The following MITF variants were observed in gnomAD, a reference collection of about 807,000 sequenced individuals.
MITF encodes the protein melanocyte inducing transcription factor, also known as microphthalmia-associated transcription factor.
A neutral mutation model predicts 60.5 loss-of-function variants in MITF; 17 were observed. The observed-to-expected ratio is 0.28, with a 90% CI of 0.19 to 0.42. MITF has a LOEUF of 0.42. MITF is among the 10% of genes least tolerant of loss of function. The pLI, the probability that MITF is intolerant of heterozygous loss-of-function variation, is 1.00. For missense variants in MITF, 622 were observed against 683.5 expected, an observed-to-expected ratio of 0.91 and a Z score of 1.00; for synonymous variants, 260 against 248.5, an observed-to-expected ratio of 1.05 and a Z score of -0.43.
chr3:69,861,667 A>G lies in MITF; in HGVS notation c.105-17467A>G, dbSNP rs75720739. ...GGTTTCTCTGGAGTGAACGCCTGGA[A>G]AGCAGAGCCTCTTGCATCTTCATCC... On this transcript the variant is annotated intron_variant, in intron 1 of 9. Coordinates refer to ENST00000352241, the MANE Select transcript of MITF (RefSeq NM_001354604.2). Among the ~76,000 whole-genome samples, 1,375 of 152,232 alleles carry G rather than the reference A, an allele frequency of 9.0e-3. 11 individuals carry two copies. Among genetic ancestry groups the G allele is most frequent in the Non-Finnish European group, 0.015 (1,041 of 68,014 alleles).
intron 2 of MITF, among the ~76,000 whole-genome samples, chr3:69,895,843 TGTGTG>T (rs1241010844): frequency 4.6e-5 from 7 of 151,052 alleles, no homozygotes; most frequent in Non-Finnish European, 8.9e-5. Context: ...TGTGTGTGTG[TGTGTG>T]TATGTGTGTG....
At chr3:69,833,595 G>A (rs1050639904) in intron 1 of MITF, among the ~76,000 whole-genome samples, 4 of 145,330 alleles carry the variant, frequency 2.8e-5, no homozygotes, top group Non-Finnish European at 6.0e-5. Context: ...CACTGTATGT[G>A]GTTGTTTTTC....
intron 2 of MITF, among the ~76,000 whole-genome samples, chr3:69,936,209 G>A (rs184737861): frequency 4.6e-5 from 7 of 152,278 alleles, no homozygotes; most frequent in Admixed American, 4.6e-4. Flanking sequence ...CCTGCAGTCG[G>A]AAGTGGCAGT....
chr3:69,876,964 T>C (rs1168656264), intron 1 of MITF, among the ~76,000 whole-genome samples: 1 of 152,212 alleles, frequency 6.6e-6, no homozygotes, highest in Non-Finnish European at 1.5e-5. Flanking sequence ...AATTTACCTG[T>C]AGTTCTATTC....
intron 1 of MITF, among the ~76,000 whole-genome samples, chr3:69,795,897 T>C (rs1192347652): frequency 6.6e-6 from 1 of 152,238 alleles, no homozygotes; most frequent in Non-Finnish European, 1.5e-5. Flanking sequence ...TGTTCATATG[T>C]ATACCACAAC....
intron 6 of MITF, among the ~76,000 whole-genome samples, chr3:69,949,867 C>G (rs966895120): frequency 1.3e-5 from 2 of 152,138 alleles, no homozygotes; most frequent in African/African-American, 4.8e-5. Context: ...TACCACACCC[C>G]TCTTTTTATT....
chr3:69,868,145 A>G (rs780633045), intron 1 of MITF, among the ~76,000 whole-genome samples: 10 of 152,224 alleles, frequency 6.6e-5, no homozygotes, highest in Non-Finnish European at 1.2e-4. Context: ...AACACAGACT[A>G]GAAGAATTCA....
intron 1 of MITF, chr3:69,769,448 G>A (rs892777093): frequency 4.7e-5 from 7 of 147,812 alleles, no homozygotes; most frequent in African/African-American, 1.8e-4. Context: ...GCTTCACAAA[G>A]TGTAGTCGTT....
At chr3:69,883,838 G>A (rs1024010116) in intron 2 of MITF, among the ~76,000 whole-genome samples, 3 of 152,124 alleles carry the variant, frequency 2.0e-5, no homozygotes, top group Admixed American at 6.5e-5. Context: ...TTCACACATG[G>A]ACCAGCATAT....
chr3:69,885,131 TG>T (rs1307763443), intron 2 of MITF, among the ~76,000 whole-genome samples: 1 of 152,014 alleles, frequency 6.6e-6, no homozygotes, highest in East Asian at 1.9e-4. Flanking sequence ...CTGATGTACC[TG>T]GTGGACACTT....
chr3:69,968,247 C>T lies in MITF; in HGVS notation c.*2999C>T, dbSNP rs1259950085. The T allele has an allele frequency of 8.6e-6, 2 of 231,906 alleles. No homozygotes were observed. The highest frequency in any genetic ancestry group is 8.5e-6 in the Non-Finnish European group (1 of 117,086). 14.4% of individuals were successfully genotyped at this position (231,906 alleles called of 1,614,324 possible). ...GCAATAATTTCTGTATGGTCCATAG[C>T]ACTGTATATTATGGATCGATATTAA... is the stretch of plus-strand genomic sequence containing the variant. On this transcript the variant is annotated 3_prime_UTR_variant, in exon 10 of 10. Coordinates refer to ENST00000352241, the MANE Select transcript of MITF (RefSeq NM_001354604.2).
intron 1 of MITF, among the ~76,000 whole-genome samples, chr3:69,875,157 C>A (rs2064324820): frequency 1.3e-5 from 2 of 152,326 alleles, no homozygotes; most frequent in South Asian, 4.2e-4. Flanking sequence ...AGTGACTGAG[C>A]TAGCCCTTGA....
intron 1 of MITF, among the ~76,000 whole-genome samples, chr3:69,813,633 A>T (rs1331435750): frequency 1.3e-5 from 2 of 152,154 alleles, no homozygotes; most frequent in African/African-American, 4.8e-5. Context: ...TATATTTGAG[A>T]TTTCTTTAAA....
chr3:69,747,525 G>GTAAT (rs1703775015), intron 1 of MITF, among the ~76,000 whole-genome samples: 1 of 152,220 alleles, frequency 6.6e-6, no homozygotes, highest in Non-Finnish European at 1.5e-5. Flanking sequence ...AAGATAAAAG[G>GTAAT]TAATGTATGT....
At chr3:69,888,490 A>G (rs1287464493) in intron 2 of MITF, among the ~76,000 whole-genome samples, 1 of 149,006 alleles carries the variant, frequency 6.7e-6, no homozygotes, top group Non-Finnish European at 1.5e-5. Context: ...AATTAGCCAC[A>G]TGTTCTTTTT....
rs955927255 is a variant in MITF at position 69,825,903 on chromosome 3, A to C, written c.105-53231A>C. Among the ~76,000 whole-genome samples the C allele has an allele frequency of 2.6e-5, 4 of 152,180 alleles. No individual in the cohort carries two copies. The South Asian group carries it at 8.3e-4, about 31-fold the overall frequency. On this transcript the variant is annotated intron_variant, in intron 1 of 9. Coordinates refer to ENST00000352241, the MANE Select transcript of MITF (RefSeq NM_001354604.2). ...TTTACTTTTTAATCTCTAATGATTT[A>C]TTTCTTTATATTTATATATTAAGAT... is the stretch of plus-strand genomic sequence containing the variant.
chr3:69,834,620 T>A (rs2107113980), intron 1 of MITF, among the ~76,000 whole-genome samples: 1 of 152,300 alleles, frequency 6.6e-6, no homozygotes, highest in East Asian at 1.9e-4. Context: ...TTGTAAATAG[T>A]GCTGCAATAA....
At chr3:69,875,144 G>A (rs145266884) in intron 1 of MITF, among the ~76,000 whole-genome samples, 6 of 152,162 alleles carry the variant, frequency 3.9e-5, no homozygotes, top group Non-Finnish European at 8.8e-5. Flanking sequence ...CATGCAGCTC[G>A]GCAGTGACTG....
At chr3:69,916,852 A>T (rs1033180647) in intron 2 of MITF, among the ~76,000 whole-genome samples, 28 of 152,198 alleles carry the variant, frequency 1.8e-4, no homozygotes, top group Non-Finnish European at 5.9e-5. Context: ...ATTCTTGTAG[A>T]ATTAAGTGAT....
Sources: allele counts gnomAD v4.1 joint callset (sites outside exome capture counted in the v4.1 genomes callset), GRCh38; gene constraint gnomAD v4.1.1; transcripts MANE v1.5; gene names NCBI Gene and HGNC (gene_info 2026-07-23, HGNC 2026-07-21).